The following PIK3AP1 variants were observed in gnomAD, a reference collection of about 807,000 sequenced individuals.
PIK3AP1 encodes phosphoinositide-3-kinase adaptor protein 1, also known as phosphoinositide 3-kinase adapter protein 1.
PIK3AP1 carries 21 observed loss-of-function variants against 88.1 expected under a neutral mutation model. The observed-to-expected ratio is 0.24, with a 90% CI of 0.17 to 0.34. PIK3AP1 has a LOEUF of 0.34. Ranked by LOEUF, PIK3AP1 falls within the 10% of genes least tolerant of loss-of-function variation. The pLI, the probability that PIK3AP1 is intolerant of heterozygous loss-of-function variation, is 1.00. For missense variants in PIK3AP1, 828 were observed against 1,035.7 expected (o/e 0.80, Z 2.75); for synonymous variants, 398 against 400.0 (o/e 1.00, Z 0.06).
In PIK3AP1 at chr10:96,711,747, T is replaced by C. The variant is rs1156833066; in HGVS notation, c.14-1764A>G. On this transcript the variant is annotated intron_variant, in intron 1 of 16. Transcript: ENST00000339364. ...CAGGATGAGATTACCAAATTTTTTT[T>C]TTTTTTTTTTTTTTTTTTTTTTAGA... Among the ~76,000 whole-genome samples the C allele has an allele frequency of 2.2e-3, 275 of 122,358 alleles. 2 individuals are homozygous for C. The highest frequency in any genetic ancestry group is 8.8e-3 in the African/African-American group (265 of 30,252). The allele number at this position is 122,358 out of a possible 152,430, so 80.3% of individuals were successfully genotyped here. A position where few individuals can be genotyped will look rare whatever the true frequency, so the allele number is the denominator to read the frequency against.
chr10:96,718,875 A>C (rs1844536724), intron 1 of PIK3AP1, among the ~76,000 whole-genome samples: 1 of 151,624 alleles, frequency 6.6e-6, no homozygotes. Flanking sequence ...TACTCCAGCC[A>C]CTCTGGCCTA....
intron 8 of PIK3AP1, among the ~76,000 whole-genome samples, chr10:96,632,672 G>C (rs1423865206): frequency 3.3e-5 from 5 of 152,236 alleles, no homozygotes; most frequent in Admixed American, 3.3e-4. Context: ...AAGCAACAAT[G>C]TAGGTGGCTA....
At chr10:96,633,250 G>A (rs1258732991) in intron 8 of PIK3AP1, 1 of 566,948 alleles carries the variant, frequency 1.8e-6, no homozygotes, top group East Asian at 3.3e-5. Context: ...TTTTATTGTA[G>A]GCAATGTTGC....
intron 2 of PIK3AP1, among the ~76,000 whole-genome samples, chr10:96,663,246 T>A (rs566356565): frequency 6.6e-6 from 1 of 152,238 alleles, no homozygotes; most frequent in East Asian, 1.9e-4. Flanking sequence ...ATGGTGAATA[T>A]TGCACAAATC....
chr10:96,663,630 A>G (rs1031794729), intron 2 of PIK3AP1, among the ~76,000 whole-genome samples: 33 of 133,112 alleles, frequency 2.5e-4, no homozygotes, highest in Non-Finnish European at 8.2e-5. Flanking sequence ...ACTCCGTCAA[A>G]AAAAAAAAAA....
intron 12 of PIK3AP1, among the ~76,000 whole-genome samples, chr10:96,617,237 G>A (rs1355553671): frequency 6.6e-6 from 1 of 152,354 alleles, no homozygotes; most frequent in African/African-American, 2.4e-5. Context: ...AAGAGACCAC[G>A]TCGTGTACCT....
intron 2 of PIK3AP1, among the ~76,000 whole-genome samples, chr10:96,663,612 A>C (rs1423963986): frequency 7.4e-6 from 1 of 135,604 alleles, no homozygotes; most frequent in Non-Finnish European, 1.5e-5. Flanking sequence ...CCTGGGCAAC[A>C]GAGTGAGACT....
At chr10:96,636,982 C>A (rs7906985) in intron 8 of PIK3AP1, among the ~76,000 whole-genome samples, 71,898 of 152,048 alleles carry the variant, frequency 0.47, 17,129 homozygotes, top group Non-Finnish European at 0.51. Context: ...AGATTATATG[C>A]TGTTAATTTA....
chr10:96,705,460 A>C (rs1445511843), intron 2 of PIK3AP1, among the ~76,000 whole-genome samples: 2 of 152,124 alleles, frequency 1.3e-5, no homozygotes, highest in Admixed American at 6.5e-5. Context: ...AGCTCTAATA[A>C]TTAGGAAGTT....
chr10:96,614,762 G>A (rs151062102), intron 13 of PIK3AP1, among the ~76,000 whole-genome samples: 134 of 152,330 alleles, frequency 8.8e-4, no homozygotes, highest in Non-Finnish European at 1.5e-3. Context: ...GAATGAATGA[G>A]TGGTGTCACC....
intron 8 of PIK3AP1, among the ~76,000 whole-genome samples, chr10:96,638,388 C>A (rs930277914): frequency 6.6e-6 from 1 of 151,914 alleles, no homozygotes; most frequent in African/African-American, 2.4e-5. Flanking sequence ...AACTTATTTT[C>A]TTTACAAATT....
intron 2 of PIK3AP1, among the ~76,000 whole-genome samples, chr10:96,676,654 GTTT>G (rs35544369): frequency 6.0e-5 from 8 of 133,036 alleles, no homozygotes; most frequent in African/African-American, 1.4e-4. Flanking sequence ...ATTTTCTGGG[GTTT>G]TTTTTTTTTT....
At chr10:96,708,064 A>G (rs962301090) in intron 2 of PIK3AP1, among the ~76,000 whole-genome samples, 1 of 152,230 alleles carries the variant, frequency 6.6e-6, no homozygotes, top group Non-Finnish European at 1.5e-5. Flanking sequence ...AAGGCCACTG[A>G]AAATTAGTAA....
intron 8 of PIK3AP1, among the ~76,000 whole-genome samples, chr10:96,638,441 A>G (rs1843340871): frequency 7.3e-6 from 1 of 137,874 alleles, no homozygotes; most frequent in Admixed American, 7.8e-5. Context: ...AAAACGGACT[A>G]AGACACACAC....
chr10:96,653,366 C>T (rs1843568437), intron 3 of PIK3AP1, among the ~76,000 whole-genome samples: 2 of 143,794 alleles, frequency 1.4e-5, no homozygotes, highest in Admixed American at 1.4e-4. Context: ...GATCACACCA[C>T]TGCACTCCAG....
intron 16 of PIK3AP1, among the ~76,000 whole-genome samples, chr10:96,600,243 G>A (rs1848864816): frequency 6.6e-6 from 1 of 152,112 alleles, no homozygotes; most frequent in Non-Finnish European, 1.5e-5. Flanking sequence ...CTGCAAAATG[G>A]GATAACACTA....
intron 14 of PIK3AP1, among the ~76,000 whole-genome samples, chr10:96,608,604 G>A (rs1487442086): frequency 6.6e-6 from 1 of 152,326 alleles, no homozygotes; most frequent in East Asian, 1.9e-4. Flanking sequence ...CATCTATAAA[G>A]GATGAAGGAA....
intron 2 of PIK3AP1, among the ~76,000 whole-genome samples, chr10:96,690,445 G>C (rs1372086137): frequency 7.0e-6 from 1 of 142,718 alleles, no homozygotes; most frequent in African/African-American, 2.6e-5. Flanking sequence ...TATTTTTTTT[G>C]TAGTGATGGG....
chr10:96,652,924 T>TTGCCCTAGCTCTACCTAGTGAGAA (rs1843561473), intron 3 of PIK3AP1, 82 bp from the exon 4 acceptor site: 1 of 1,468,012 alleles, frequency 6.8e-7, no homozygotes, highest in African/African-American at 1.4e-5. Flanking sequence ...CCCAGCTCTC[T>TTGCCCTAGCTCTACCTAGTGAGAA]TGCCCTAGCT....
Sources: allele counts gnomAD v4.1 joint callset (sites outside exome capture counted in the v4.1 genomes callset), GRCh38; gene constraint gnomAD v4.1.1; transcripts MANE v1.5; gene names NCBI Gene and HGNC (gene_info 2026-07-23, HGNC 2026-07-21).